EXOC6: variants seen among roughly 807,000 people sequenced by gnomAD.
EXOC6 encodes SEC15-like 1.
A neutral mutation model predicts 112.5 loss-of-function variants in EXOC6; 60 were observed. The ratio of observed to expected loss-of-function variants is 0.53; its 90% confidence interval spans 0.43 to 0.66. The LOEUF (loss-of-function observed/expected upper bound fraction) is 0.66. Among genes scored for constraint, EXOC6 ranks in the 30% least tolerant of loss-of-function variants. The probability of loss-of-function intolerance (pLI) is 0.00; values close to 1 mark genes in which losing one functional copy is unlikely to be tolerated. For missense variants in EXOC6, 855 were observed against 957.1 expected (o/e 0.89, Z 1.41); for synonymous variants, 295 against 308.0 (o/e 0.96, Z 0.44).
chr10:92,849,806 CTG>C (rs1289585382), intron 1 of EXOC6, among the ~76,000 whole-genome samples: 1 of 152,144 alleles, frequency 6.6e-6, no homozygotes, highest in African/African-American at 2.4e-5. Context: ...TTTAACCTCT[CTG>C]GATCTCGGTT....
intron 20 of EXOC6, among the ~76,000 whole-genome samples, chr10:93,042,152 A>T (rs1845809137): frequency 6.6e-6 from 1 of 152,172 alleles, no homozygotes; most frequent in African/African-American, 2.4e-5. Flanking sequence ...AGCAGCACTA[A>T]AGTACATGGC....
intron 19 of EXOC6, among the ~76,000 whole-genome samples, chr10:93,006,866 A>C (rs1179885862): frequency 6.6e-6 from 1 of 152,144 alleles, no homozygotes; most frequent in Non-Finnish European, 1.5e-5. Flanking sequence ...TTTTATATGC[A>C]CCTGTGTGGT....
At chr10:92,855,223 AT>A (rs142433469) in intron 1 of EXOC6, among the ~76,000 whole-genome samples, 17 of 149,276 alleles carry the variant, frequency 1.1e-4, no homozygotes, top group Non-Finnish European at 1.9e-4. Flanking sequence ...TGGCATGAAA[AT>A]TTTTTTTTTT....
At chr10:92,931,825 C>G (rs2133946884) in intron 9 of EXOC6, among the ~76,000 whole-genome samples, 1 of 152,128 alleles carries the variant, frequency 6.6e-6, no homozygotes, top group South Asian at 2.1e-4. Flanking sequence ...GTGGAACTCT[C>G]ATACACTTCT....
intron 15 of EXOC6, 36 bp downstream of exon 15, chr10:92,952,418 AC>A (rs1853472835): frequency 8.0e-7 from 1 of 1,252,798 alleles, no homozygotes; most frequent in African/African-American, 1.5e-5. Context: ...TTTTGTCATA[AC>A]TTTTATGAAA....
chr10:92,962,384 T>A lies in EXOC6; in HGVS notation c.1773+6670T>A, dbSNP rs113955426. Among the ~76,000 whole-genome samples the A allele has an allele frequency of 4.0e-3, 610 of 151,760 alleles. 4 individuals carry two copies. The highest frequency in any genetic ancestry group is 0.012 in the African/African-American group (497 of 41,396). On this transcript the variant is annotated intron_variant, in intron 17 of 21. Transcript: ENST00000260762. ...TAATGTAATGTAAAAATGTTAAAAA[T>A]ATATATATATATGGTTTTTTTTTGA... is the stretch of plus-strand genomic sequence containing the variant.
intron 19 of EXOC6, among the ~76,000 whole-genome samples, chr10:93,002,596 C>T (rs1450271595): frequency 1.3e-5 from 2 of 152,096 alleles, no homozygotes; most frequent in African/African-American, 4.8e-5. Context: ...TTACATGGAC[C>T]TCTCCTTTGT....
intron 4 of EXOC6, among the ~76,000 whole-genome samples, chr10:92,895,987 A>G (rs544517883): frequency 7.0e-6 from 1 of 142,046 alleles, no homozygotes; most frequent in Non-Finnish European, 1.5e-5. Context: ...AGATGATGAG[A>G]TGTTTTATAT....
intron 20 of EXOC6, 57 bp downstream of exon 20, chr10:93,014,324 A>C (rs1590042474): frequency 1.1e-4 from 149 of 1,319,214 alleles, no homozygotes; most frequent in Admixed American, 7.8e-4. Flanking sequence ...CCCTCCCCTC[A>C]CTTTTTTTTT....
intron 20 of EXOC6, among the ~76,000 whole-genome samples, chr10:93,054,186 C>G (rs1406328746): frequency 6.6e-6 from 1 of 152,148 alleles, no homozygotes; most frequent in Non-Finnish European, 1.5e-5. Context: ...CTGCTTTATT[C>G]CTATCTTACA....
chr10:92,974,279 G>GTA, intron 18 of EXOC6, 47 bp downstream of exon 18: 1 of 1,311,838 alleles, frequency 7.6e-7, no homozygotes, highest in Non-Finnish European at 1.0e-6. Flanking sequence ...GCTTACTAAA[G>GTA]TATATTTTAG....
intron 18 of EXOC6, among the ~76,000 whole-genome samples, chr10:92,975,129 C>G (rs1258600398): frequency 6.6e-6 from 1 of 151,918 alleles, no homozygotes; most frequent in Non-Finnish European, 1.5e-5. Flanking sequence ...AGGAGCGCCT[C>G]TTCCCGGCCG....
At chr10:92,853,324 C>T (rs1282721074) in intron 1 of EXOC6, among the ~76,000 whole-genome samples, 1 of 152,180 alleles carries the variant, frequency 6.6e-6, no homozygotes, top group African/African-American at 2.4e-5. Context: ...TTTTCTCCAA[C>T]TTAGTCTAGA....
At chr10:93,027,215 G>C (rs893500555) in intron 20 of EXOC6, among the ~76,000 whole-genome samples, 2 of 152,212 alleles carry the variant, frequency 1.3e-5, no homozygotes, top group Non-Finnish European at 2.9e-5. Context: ...TTCTATGAAG[G>C]CTGAGAGAAG....
intron 20 of EXOC6, among the ~76,000 whole-genome samples, chr10:93,016,045 A>G (rs1456296477): frequency 2.0e-5 from 3 of 152,224 alleles, no homozygotes; most frequent in African/African-American, 7.2e-5. Flanking sequence ...TTTATCAAAG[A>G]ATAAAAAAAA....
chr10:92,871,447 T>C (rs1848439451), intron 1 of EXOC6, among the ~76,000 whole-genome samples: 2 of 148,464 alleles, frequency 1.3e-5, no homozygotes, highest in South Asian at 4.3e-4. Flanking sequence ...TGGAGTGAGC[T>C]GTGATTGTGT....
At chr10:92,850,064 T>TA (rs1456664367) in intron 1 of EXOC6, among the ~76,000 whole-genome samples, 1 of 152,242 alleles carries the variant, frequency 6.6e-6, no homozygotes, top group Non-Finnish European at 1.5e-5. Flanking sequence ...GAAGTAAGAT[T>TA]AAAAGGAAGC....
chr10:92,976,639 A>T (rs2134105737), intron 18 of EXOC6, among the ~76,000 whole-genome samples: 1 of 151,172 alleles, frequency 6.6e-6, no homozygotes, highest in East Asian at 1.9e-4. Context: ...CTCTGCGAGA[A>T]ACACCCAAGA....
chr10:92,894,887 TTAAC>T, intron 3 of EXOC6, 39 bp from the exon 4 acceptor site: 1 of 1,608,482 alleles, frequency 6.2e-7, no homozygotes. Flanking sequence ...TAGTTGTTCT[TTAAC>T]TGTTTGTTTA....
Sources: gnomAD v4.1 joint callset for allele counts (sites outside exome capture counted in the v4.1 genomes callset) on GRCh38, gnomAD v4.1.1 for gene constraint, MANE v1.5 for transcripts, NCBI Gene and HGNC (gene_info 2026-07-23, HGNC 2026-07-21) for gene names.